The following ARHGEF28 variants were observed in gnomAD, a reference collection of about 807,000 sequenced individuals.
ARHGEF28 encodes the protein 190 kDa guanine nucleotide exchange factor.
ARHGEF28 carries 152 observed loss-of-function variants against 206.6 expected under a neutral mutation model. That is an observed-to-expected ratio of 0.74 (90% CI 0.64 to 0.84). ARHGEF28 has a LOEUF of 0.84. Among genes scored for constraint, ARHGEF28 ranks in the 40% least tolerant of loss-of-function variants. The pLI is 0.00. For synonymous variants in ARHGEF28, 763 were observed against 776.4 expected, an observed-to-expected ratio of 0.98 and a Z score of 0.29; for missense variants, 2,028 against 2,073.2, an observed-to-expected ratio of 0.98 and a Z score of 0.42.
chr5:73,740,242 A>G (rs1251298542), intron 2 of ARHGEF28, among the ~76,000 whole-genome samples: 1 of 152,030 alleles, frequency 6.6e-6, no homozygotes, highest in Non-Finnish European at 1.5e-5. Context: ...ATCCAAATCC[A>G]GTTATGTTAG....
intron 16 of ARHGEF28, among the ~76,000 whole-genome samples, chr5:73,861,398 T>C (rs760416970): frequency 1.8e-4 from 28 of 152,192 alleles, no homozygotes; most frequent in Admixed American, 5.9e-4. Flanking sequence ...ATATTACCAC[T>C]TAGAGAAAAA....
chr5:73,677,326 A>G (rs1283957415), intron 1 of ARHGEF28, among the ~76,000 whole-genome samples: 1 of 152,204 alleles, frequency 6.6e-6, no homozygotes, highest in African/African-American at 2.4e-5. Flanking sequence ...CAAGGCTGCT[A>G]TGAGGATCAT....
chr5:73,828,569 G>A (rs193255357), intron 9 of ARHGEF28, among the ~76,000 whole-genome samples: 73 of 124,068 alleles, frequency 5.9e-4, no homozygotes, highest in African/African-American at 2.2e-3. Context: ...CATGGGCTAA[G>A]CCACCTTTTC....
intron 2 of ARHGEF28, among the ~76,000 whole-genome samples, chr5:73,702,794 C>A (rs115846977): frequency 2.0e-5 from 3 of 152,248 alleles, no homozygotes; most frequent in Non-Finnish European, 2.9e-5. Flanking sequence ...GATTATGTAG[C>A]CCCTTTGGGA....
rs1366917555 is a variant in ARHGEF28 at position 73,856,956 on chromosome 5, G to GTTT, written c.1791-695_1791-693dup. 7.2e-5 allele frequency among the ~76,000 whole-genome samples: 11 copies of GTTT among 152,172 alleles called. No individual in the cohort carries two copies. In the East Asian group the frequency reaches 1.2e-3, roughly 16 times the overall value. On this transcript the variant is annotated intron_variant, in intron 14 of 35. Transcript: ENST00000513042. ...ATTGTAACTTTCATAGTCTGCATAT[G>GTTT]TTTTTTTCTAGAGAATAATTGTATT...
chr5:73,857,635 T>A (rs1759132120), intron 14 of ARHGEF28, 21 bp from the exon 15 acceptor site: 3 of 1,554,796 alleles, frequency 1.9e-6, no homozygotes, highest in Non-Finnish European at 2.6e-6. Flanking sequence ...TGAGCCATGA[T>A]AACAGATTCT....
chr5:73,689,609 C>T (rs2112260331), intron 2 of ARHGEF28, among the ~76,000 whole-genome samples: 1 of 152,306 alleles, frequency 6.6e-6, no homozygotes, highest in East Asian at 1.9e-4. Flanking sequence ...ATTGGCAAGA[C>T]TGGCAGCCAA....
At chr5:73,830,079 C>A (rs1757194410) in intron 9 of ARHGEF28, among the ~76,000 whole-genome samples, 1 of 152,074 alleles carries the variant, frequency 6.6e-6, no homozygotes. Context: ...ATGCTATCAT[C>A]AAGTGTATTA....
intron 1 of ARHGEF28, among the ~76,000 whole-genome samples, chr5:73,663,961 T>G (rs1294395258): frequency 6.6e-6 from 1 of 152,228 alleles, no homozygotes; most frequent in Admixed American, 6.5e-5. Flanking sequence ...TTGACTCACC[T>G]TTCACCAGTG....
chr5:73,632,643 G>A (rs1743441569), intron 1 of ARHGEF28, among the ~76,000 whole-genome samples: 1 of 152,142 alleles, frequency 6.6e-6, no homozygotes, highest in Admixed American at 6.5e-5. Context: ...CTACCTTCAA[G>A]TCTTCTTTTA....
intron 11 of ARHGEF28, among the ~76,000 whole-genome samples, chr5:73,845,525 T>A (rs1326815278): frequency 6.6e-6 from 1 of 152,126 alleles, no homozygotes; most frequent in Non-Finnish European, 1.5e-5. Context: ...CTTAGTCACA[T>A]GCAAATCCCC....
intron 9 of ARHGEF28, among the ~76,000 whole-genome samples, chr5:73,797,850 A>G (rs570524000): frequency 7.9e-4 from 120 of 152,306 alleles, no homozygotes; most frequent in Non-Finnish European, 7.1e-4. Context: ...CAGTGACACA[A>G]GTGCTGTTCC....
In ARHGEF28 at chr5:73,846,290, G is replaced by A. The variant is rs779744879; in HGVS notation, c.1450G>A (p.Ala484Thr). The change falls in exon 12 of 36, where the codon GCC becomes ACC. Residue 484 changes from alanine (A) to threonine (T), a missense_variant. Ala to Thr is a moderately conservative substitution (Grantham distance 58). Coordinates refer to ENST00000513042, the MANE Select transcript of ARHGEF28 (RefSeq NM_001177693.2). ...TAGTTCTAGCCTTGATGCCTTGGAC[G>A]CCGACAGTGAAGGGGAAGGGCATTC... ...KRSSSLDALD[A>T]DSEGEGHSEP... is the part of the protein sequence containing the mutation. 5.8e-5 allele frequency: 94 copies of A among 1,613,308 alleles called. No individual in the cohort carries two copies. Among genetic ancestry groups the A allele is most frequent in the Non-Finnish European group, 7.5e-5 (88 of 1,179,690 alleles).
At chr5:73,835,427 G>A (rs933656534) in intron 10 of ARHGEF28, among the ~76,000 whole-genome samples, 3 of 149,162 alleles carry the variant, frequency 2.0e-5, no homozygotes, top group Admixed American at 6.7e-5. Flanking sequence ...CCGAGATTGT[G>A]CCACTGCACT....
chr5:73,853,306 C>T (rs923173631), intron 14 of ARHGEF28, among the ~76,000 whole-genome samples: 18 of 152,178 alleles, frequency 1.2e-4, no homozygotes, highest in African/African-American at 3.6e-4. Context: ...TAACTAACTG[C>T]CCATGAGTCA....
chr5:73,747,013 G>A (rs1341625209), intron 2 of ARHGEF28, among the ~76,000 whole-genome samples: 1 of 152,078 alleles, frequency 6.6e-6, no homozygotes, highest in Non-Finnish European at 1.5e-5. Context: ...CACTAAACTT[G>A]TTGATTAATT....
chr5:73,909,939 CAG>C lies in ARHGEF28; in HGVS notation c.4647+43_4647+44del, dbSNP rs1372396665. On this transcript the variant is annotated intron_variant, in intron 34 of 35. Transcript: ENST00000513042. ...GTGCTGTGAGGCAGCCTCTCAAAGA[CAG>C]GGGTGGGCCTGGGGGCTCCTAGGAC... 1.1e-5 allele frequency: 16 copies of C among 1,475,394 alleles called. No individual in the cohort carries two copies. In the East Asian group the frequency reaches 1.2e-4, roughly 11 times the overall value. 91.4% of individuals were successfully genotyped at this position (1,475,394 alleles called of 1,614,324 possible). A position where few individuals can be genotyped will look rare whatever the true frequency, so the allele number is the denominator to read the frequency against.
At chr5:73,682,418 C>CT (rs113519554) in intron 1 of ARHGEF28, among the ~76,000 whole-genome samples, 26,055 of 140,642 alleles carry the variant, frequency 0.19, 2,741 homozygotes, top group Non-Finnish European at 0.25. Context: ...ACAATTCATT[C>CT]TTTTTTTTTT....
At chr5:73,679,593 A>T (rs1746939153) in intron 1 of ARHGEF28, among the ~76,000 whole-genome samples, 1 of 151,210 alleles carries the variant, frequency 6.6e-6, no homozygotes, top group Non-Finnish European at 1.5e-5. Context: ...AAAAGTTCTT[A>T]CTATGGCATG....
Sources: gnomAD v4.1 joint callset for allele counts (sites outside exome capture counted in the v4.1 genomes callset) on GRCh38, gnomAD v4.1.1 for gene constraint, MANE v1.5 for transcripts, NCBI Gene and HGNC (gene_info 2026-07-23, HGNC 2026-07-21) for gene names.